ALDH9A1: variants seen among roughly 807,000 people sequenced by gnomAD.
ALDH9A1 encodes aldehyde dehydrogenase 9 family member A1.
Under a neutral mutation model 56.6 loss-of-function variants are expected in ALDH9A1, and 42 were observed. The observed-to-expected ratio is 0.74, with a 90% CI of 0.58 to 0.96. The LOEUF is 0.96. ALDH9A1 is among the 40% of genes least tolerant of loss of function. ALDH9A1 has a pLI of 0.00. For synonymous variants in ALDH9A1, 242 were observed against 236.0 expected (o/e 1.03, Z -0.23); for missense variants, 661 against 651.5 (o/e 1.01, Z -0.16).
chr1:165,694,871 G>A (rs1650015520), intron 2 of ALDH9A1, among the ~76,000 whole-genome samples: 1 of 151,466 alleles, frequency 6.6e-6, no homozygotes, highest in South Asian at 2.1e-4. Flanking sequence ...CAGGAGAATT[G>A]CTTGAGCCCG....
rs761541258 is a variant in ALDH9A1 at position 165,667,479 on chromosome 1, G to A, written c.1208-29C>T. 6.2e-6 allele frequency: 10 copies of A among 1,610,652 alleles called. No homozygotes were observed. The South Asian group carries it at 9.9e-5, about 16-fold the overall frequency. On this transcript the variant is annotated intron_variant, in intron 8 of 10. Transcript: ENST00000354775. ...CAAACATTAAAATAAAACCTCCTGA[G>A]CAGCTGGGACCACAGTGTGCACCAC... is the stretch of plus-strand genomic sequence containing the variant.
intron 1 of ALDH9A1, chr1:165,698,126 T>C (rs964937068): frequency 6.9e-6 from 7 of 1,007,224 alleles, no homozygotes; most frequent in South Asian, 2.6e-5. Flanking sequence ...AACTCTGTTC[T>C]GGCCCGGGTA....
intron 6 of ALDH9A1, chr1:165,676,675 T>C: frequency 2.4e-6 from 1 of 409,976 alleles, no homozygotes; most frequent in Non-Finnish European, 4.7e-6. Context: ...GAAAGGTACC[T>C]GGTTTCAGCT....
At chr1:165,666,646 A>T (rs1380819854) in intron 9 of ALDH9A1, among the ~76,000 whole-genome samples, 11 of 149,278 alleles carry the variant, frequency 7.4e-5, no homozygotes, top group Non-Finnish European at 1.6e-4. Context: ...TGAAGTTATA[A>T]AAAAAAAAAT....
At chr1:165,682,263 A>G (rs1187314701) in intron 3 of ALDH9A1, 22 bp from the exon 4 acceptor site, 2 of 1,611,022 alleles carry the variant, frequency 1.2e-6, no homozygotes, top group Non-Finnish European at 8.5e-7. Context: ...ACAGGAGTAA[A>G]GGAGGATGCA....
chr1:165,671,087 T>TAAAC (rs199831384), intron 6 of ALDH9A1, among the ~76,000 whole-genome samples: 4 of 152,234 alleles, frequency 2.6e-5, no homozygotes, highest in African/African-American at 7.2e-5. Context: ...AATAAATAAA[T>TAAAC]AAACAAACAA....
At chr1:165,663,870 G>T (rs922542724) in intron 10 of ALDH9A1, among the ~76,000 whole-genome samples, 1 of 152,226 alleles carries the variant, frequency 6.6e-6, no homozygotes, top group Non-Finnish European at 1.5e-5. Context: ...GCACACAGCT[G>T]GTCAGGCCTG....
chr1:165,682,882 C>T, intron 3 of ALDH9A1, 99 bp downstream of exon 3: 2 of 1,391,242 alleles, frequency 1.4e-6, no homozygotes, highest in Non-Finnish European at 9.6e-7. Flanking sequence ...AAGACTTTCA[C>T]CCAGGTTTGT....
rs765829916 is a variant in ALDH9A1 at position 165,698,408 on chromosome 1, C to T, written c.151G>A (p.Gly51Ser). Residue 51 changes from glycine to serine, a missense_variant, in exon 1 of 11, where the codon GGT (glycine) becomes AGT (serine). Transcript: ENST00000354775. ...GCTGGCTCGAAAGCTTTCTCGGTAC[C>T]GGAGGCGTCCGCCGGCTCCACGCGG... Reference protein sequence around the residue: ...GARVEPADASGTEKAFEPATG... With the variant: ...GARVEPADASSTEKAFEPATG... 6 of 1,605,706 alleles carry T rather than the reference C, an allele frequency of 3.7e-6. No individual in the cohort carries two copies. Among genetic ancestry groups the T allele is most frequent in the South Asian group, 1.1e-5 (1 of 90,246 alleles).
chr1:165,675,891 T>G (rs971321365), intron 6 of ALDH9A1, among the ~76,000 whole-genome samples: 7 of 152,180 alleles, frequency 4.6e-5, no homozygotes, highest in Non-Finnish European at 1.0e-4. Context: ...AGGTTTATTT[T>G]CCACAGAGGT....
chr1:165,693,682 A>T (rs547811314), intron 2 of ALDH9A1, among the ~76,000 whole-genome samples: 43 of 152,356 alleles, frequency 2.8e-4, no homozygotes, highest in African/African-American at 9.6e-4. Flanking sequence ...CTAGAACTAG[A>T]AATACCATTT....
chr1:165,698,541 G>C lies in ALDH9A1; in HGVS notation c.18C>G (p.Gly6=), dbSNP rs201708781. MFLRA[G]LAALSPLLRS... ...GAAGAAGCGGGGAGAGCGCGGCCAG[G>C]CCTGCTCGGAGAAACATGAGTGGCG... is the stretch of plus-strand genomic sequence containing the variant. The change falls in exon 1 of 11, where the codon GGC becomes GGG. Residue 6 remains glycine, a synonymous_variant. Coordinates refer to ENST00000354775, the MANE Select transcript of ALDH9A1 (RefSeq NM_000696.4). 2 of 1,608,262 alleles carry C rather than the reference G, an allele frequency of 1.2e-6. No individual in the cohort carries two copies. The highest frequency in any genetic ancestry group is 1.4e-5 in the African/African-American group (1 of 73,820).
At position 165,668,977 on chromosome 1, in the gene ALDH9A1, G is replaced by A; in HGVS notation, c.1156C>T (p.Pro386Ser). The change falls in exon 8 of 11, where the codon CCT becomes TCT. Residue 386 changes from proline to serine, a missense_variant. Physicochemically the swap from Pro to Ser is moderately conservative, Grantham distance 74. Transcript: ENST00000354775. ...KVLCGGDIYV[P>S]EDPKLKDGYY... ...CCATCCTTTAATTTGGGATCTTCAG[G>A]TACATATATATCTCCACCACATAAC... 1 of 1,611,478 alleles carries A rather than the reference G, an allele frequency of 6.2e-7. No individual in the cohort carries two copies. The highest frequency in any genetic ancestry group is 8.5e-7 in the Non-Finnish European group (1 of 1,178,092).
chr1:165,674,901 A>G (rs1649299646), intron 6 of ALDH9A1, among the ~76,000 whole-genome samples: 1 of 152,134 alleles, frequency 6.6e-6, no homozygotes, highest in Admixed American at 6.5e-5. Flanking sequence ...CACACTGGGC[A>G]TGGTGGCTCA....
chr1:165,686,388 A>G (rs926558224), intron 2 of ALDH9A1, among the ~76,000 whole-genome samples: 3 of 152,202 alleles, frequency 2.0e-5, no homozygotes, highest in Admixed American at 2.0e-4. Context: ...TTCAAGACTG[A>G]GTGTGGAAGG....
chr1:165,692,669 C>T (rs1340423118), intron 2 of ALDH9A1, among the ~76,000 whole-genome samples: 2 of 151,996 alleles, frequency 1.3e-5, no homozygotes, highest in East Asian at 3.9e-4. Flanking sequence ...AATGCCATCC[C>T]CATCAAGCTA....
chr1:165,673,100 G>A (rs1571169648), intron 6 of ALDH9A1, among the ~76,000 whole-genome samples: 1 of 93,752 alleles, frequency 1.1e-5, no homozygotes, highest in Admixed American at 1.1e-4. Context: ...CTATTCAATT[G>A]CAAAAAAAAA....
At chr1:165,677,539 G>A (rs1216555201) in intron 6 of ALDH9A1, among the ~76,000 whole-genome samples, 1 of 151,874 alleles carries the variant, frequency 6.6e-6, no homozygotes, top group Non-Finnish European at 1.5e-5. Context: ...ATTCCCACCA[G>A]CCATCTGCAA....
intron 6 of ALDH9A1, among the ~76,000 whole-genome samples, chr1:165,669,809 T>C (rs1649121513): frequency 6.6e-6 from 1 of 152,094 alleles, no homozygotes; most frequent in South Asian, 2.1e-4. Flanking sequence ...AACTTAACAG[T>C]AAACCTATAT....
Sources: gnomAD v4.1 joint callset for allele counts (sites outside exome capture counted in the v4.1 genomes callset) on GRCh38, gnomAD v4.1.1 for gene constraint, MANE v1.5 for transcripts, NCBI Gene and HGNC (gene_info 2026-07-23, HGNC 2026-07-21) for gene names.